Variants in NOL4 observed in about 807,000 individuals in gnomAD.
NOL4 encodes nucleolar protein 4.
In NOL4, 17 loss-of-function variants were observed where a neutral mutation model predicts 75.9. That is an observed-to-expected ratio of 0.22 (90% CI 0.15 to 0.34). The LOEUF (loss-of-function observed/expected upper bound fraction) is 0.34. NOL4 is among the 10% of genes least tolerant of loss of function. NOL4 has a pLI of 1.00. For synonymous variants in NOL4, 292 were observed against 289.9 expected (o/e 1.01, Z -0.07); for missense variants, 614 against 793.5 (o/e 0.77, Z 2.72).
intron 10 of NOL4, among the ~76,000 whole-genome samples, chr18:33,880,350 T>A (rs1042644965): frequency 2.0e-5 from 3 of 149,198 alleles, no homozygotes; most frequent in African/African-American, 7.4e-5. Flanking sequence ...TAATGAAACT[T>A]TTCTCCTGGA....
At chr18:34,072,737 C>T (rs1185349071) in intron 5 of NOL4, among the ~76,000 whole-genome samples, 1 of 152,062 alleles carries the variant, frequency 6.6e-6, no homozygotes, top group Non-Finnish European at 1.5e-5. Flanking sequence ...ACTTAAATGC[C>T]TTTGTCCGTC....
At chr18:33,935,426 AAG>A (rs1331088440) in intron 9 of NOL4, among the ~76,000 whole-genome samples, 1 of 152,098 alleles carries the variant, frequency 6.6e-6, no homozygotes, top group Admixed American at 6.6e-5. Flanking sequence ...AGGCTGAAGA[AAG>A]AGAGAGACAG....
At chr18:34,118,499 T>C (rs1434872616) in intron 2 of NOL4, among the ~76,000 whole-genome samples, 1 of 152,202 alleles carries the variant, frequency 6.6e-6, no homozygotes, top group Non-Finnish European at 1.5e-5. Flanking sequence ...AAAGCCTGTG[T>C]GTCCTGATTC....
chr18:33,889,938 T>C (rs920832357), intron 9 of NOL4, among the ~76,000 whole-genome samples: 3 of 152,236 alleles, frequency 2.0e-5, no homozygotes, highest in Admixed American at 1.3e-4. Flanking sequence ...TCATACTGAA[T>C]GGGCAAAAAC....
chr18:33,936,917 C>T (rs1363199886), intron 9 of NOL4, among the ~76,000 whole-genome samples: 2 of 151,968 alleles, frequency 1.3e-5, no homozygotes, highest in Non-Finnish European at 2.9e-5. Flanking sequence ...GCCTCTTTGT[C>T]TTCAAATGAA....
intron 5 of NOL4, among the ~76,000 whole-genome samples, chr18:34,075,428 C>A (rs906304065): frequency 2.0e-5 from 3 of 152,074 alleles, no homozygotes; most frequent in Non-Finnish European, 4.4e-5. Context: ...TTTTTTCCCT[C>A]TGAGAATACT....
At chr18:34,142,569 A>G (rs999920095) in intron 1 of NOL4, among the ~76,000 whole-genome samples, 3 of 152,168 alleles carry the variant, frequency 2.0e-5, no homozygotes, top group Admixed American at 6.6e-5. Context: ...TTCTCAGCAA[A>G]CTATCGCAAG....
chr18:34,007,127 C>A (rs1014464613), intron 6 of NOL4, among the ~76,000 whole-genome samples: 1 of 151,948 alleles, frequency 6.6e-6, no homozygotes, highest in African/African-American at 2.4e-5. Flanking sequence ...TGCCACCCAG[C>A]CTCTTTGAGC....
intron 2 of NOL4, 96 bp downstream of exon 2, chr18:34,129,775 A>C (rs2080550563): frequency 8.5e-7 from 1 of 1,177,298 alleles, no homozygotes; most frequent in South Asian, 2.1e-5. Flanking sequence ...TTTATGTTGA[A>C]GATAGAATAT....
intron 1 of NOL4, among the ~76,000 whole-genome samples, chr18:34,144,114 G>A (rs2081303247): frequency 6.6e-6 from 1 of 152,020 alleles, no homozygotes; most frequent in Non-Finnish European, 1.5e-5. Flanking sequence ...CACCTCAAGA[G>A]TATAGACAAT....
intron 5 of NOL4, among the ~76,000 whole-genome samples, chr18:34,078,650 A>G (rs1435499146): frequency 1.3e-5 from 2 of 152,234 alleles, no homozygotes; most frequent in Non-Finnish European, 2.9e-5. Flanking sequence ...GCCAATATGA[A>G]AACAATAATT....
chr18:33,890,151 C>G (rs1294452075), intron 9 of NOL4, among the ~76,000 whole-genome samples: 2 of 152,076 alleles, frequency 1.3e-5, no homozygotes, highest in African/African-American at 4.8e-5. Flanking sequence ...TCGTCTCAGC[C>G]CAAAATCTCC....
intron 6 of NOL4, among the ~76,000 whole-genome samples, chr18:33,982,641 A>T (rs1389116947): frequency 1.3e-5 from 2 of 152,058 alleles, no homozygotes; most frequent in East Asian, 3.9e-4. Context: ...TTAGAAATGG[A>T]CATATCCAAC....
At chr18:33,957,940 G>T (rs1054136494) in intron 7 of NOL4, among the ~76,000 whole-genome samples, 2 of 152,096 alleles carry the variant, frequency 1.3e-5, no homozygotes, top group African/African-American at 4.8e-5. Flanking sequence ...GAAAGCAAAA[G>T]AAATAACAGA....
chr18:34,021,184 ATT>A (rs1412525507), intron 5 of NOL4, among the ~76,000 whole-genome samples: 1 of 152,214 alleles, frequency 6.6e-6, no homozygotes, highest in Non-Finnish European at 1.5e-5. Flanking sequence ...GTCACAGATA[ATT>A]AAGAGAGACA....
intron 1 of NOL4, among the ~76,000 whole-genome samples, chr18:34,165,062 AG>A (rs2032141053): frequency 7.4e-6 from 1 of 135,054 alleles, no homozygotes; most frequent in African/African-American, 2.7e-5. Context: ...GGACACAGGA[AG>A]GGGAACATCA....
chr18:34,010,972 T>C (rs1031683490), intron 6 of NOL4, among the ~76,000 whole-genome samples: 6 of 151,942 alleles, frequency 3.9e-5, no homozygotes, highest in Non-Finnish European at 8.8e-5. Flanking sequence ...GTCAGATGGG[T>C]TGTTTGCAAA....
At chr18:34,210,004 A>G (rs2036404239) in intron 1 of NOL4, among the ~76,000 whole-genome samples, 1 of 152,186 alleles carries the variant, frequency 6.6e-6, no homozygotes, top group Non-Finnish European at 1.5e-5. Flanking sequence ...CTGACCAAAA[A>G]CTTATTAACA....
intron 6 of NOL4, among the ~76,000 whole-genome samples, chr18:33,993,128 C>T (rs1347875786): frequency 6.6e-6 from 1 of 151,950 alleles, no homozygotes; most frequent in Admixed American, 6.6e-5. Context: ...AAATCTCAAA[C>T]ACTGACATTG....
Sources: gnomAD v4.1 joint callset for allele counts (sites outside exome capture counted in the v4.1 genomes callset) on GRCh38, gnomAD v4.1.1 for gene constraint, MANE v1.5 for transcripts, NCBI Gene and HGNC (gene_info 2026-07-23, HGNC 2026-07-21) for gene names.